Variants in BCL2L1 observed in about 807,000 individuals in gnomAD.
BCL2L1 encodes the protein bcl-2-like protein 1.
A neutral mutation model predicts 18.7 loss-of-function variants in BCL2L1; 1 was observed. The ratio of observed to expected loss-of-function variants is 0.05; its 90% CI spans 0.02 to 0.25. The LOEUF is 0.25. Ranked by LOEUF, BCL2L1 falls within the 10% of genes least tolerant of loss-of-function variation. The pLI is 1.00. For missense variants in BCL2L1, 207 were observed against 304.9 expected (o/e 0.68, Z 2.39); for synonymous variants, 103 against 122.7 (o/e 0.84, Z 1.06).
intron 2 of BCL2L1, among the ~76,000 whole-genome samples, chr20:31,695,660 T>G (rs1035647100): frequency 6.6e-6 from 1 of 152,220 alleles, no homozygotes; most frequent in African/African-American, 2.4e-5. Flanking sequence ...TCGCTCTGGC[T>G]GATCTCAAAC....
At chr20:31,698,495 C>T (rs979747012) in intron 2 of BCL2L1, among the ~76,000 whole-genome samples, 2 of 151,988 alleles carry the variant, frequency 1.3e-5, no homozygotes, top group Non-Finnish European at 2.9e-5. Context: ...CTCAGACTCC[C>T]AAAGTTTTGG....
chr20:31,664,920 T>A lies in BCL2L1; in HGVS notation c.*1029A>T. 4.8e-6 allele frequency: 1 copy of A among 208,864 alleles called. No individual in the cohort carries two copies. The highest frequency in any genetic ancestry group is 7.1e-5 in the East Asian group (1 of 14,132). 12.9% of individuals were successfully genotyped at this position (208,864 alleles called of 1,614,324 possible). A position where few individuals can be genotyped will look rare whatever the true frequency, so the allele number is the denominator to read the frequency against. On this transcript the variant is annotated 3_prime_UTR_variant, in exon 3 of 3. Coordinates refer to ENST00000307677, the MANE Select transcript of BCL2L1 (RefSeq NM_138578.3). ...GACAGGCATGGGGCACAGATCTGCC[T>A]GGCCAGGCAGGACTGGCCCTTCTAG...
chr20:31,666,543 T>C (rs2060591774), intron 2 of BCL2L1, among the ~76,000 whole-genome samples: 1 of 151,972 alleles, frequency 6.6e-6, no homozygotes, highest in East Asian at 1.9e-4. Flanking sequence ...GTGGAGCCAC[T>C]AGGCCTCAGA....
chr20:31,698,472 G>C (rs1390707109), intron 2 of BCL2L1, among the ~76,000 whole-genome samples: 1 of 152,118 alleles, frequency 6.6e-6, no homozygotes, highest in Non-Finnish European at 1.5e-5. Context: ...CTGGGCTCAA[G>C]TGATCCTCCC....
intron 2 of BCL2L1, among the ~76,000 whole-genome samples, chr20:31,711,453 T>G (rs1032432587): frequency 1.3e-5 from 2 of 152,174 alleles, no homozygotes; most frequent in South Asian, 2.1e-4. Flanking sequence ...ACATGTAGAC[T>G]GATTCAGATG....
chr20:31,702,477 A>G (rs2061292432), intron 2 of BCL2L1, among the ~76,000 whole-genome samples: 1 of 152,052 alleles, frequency 6.6e-6, no homozygotes, highest in African/African-American at 2.4e-5. Context: ...CTAAAAATAC[A>G]AAAATTAGCT....
chr20:31,700,653 GC>G (rs1568883140), intron 2 of BCL2L1, among the ~76,000 whole-genome samples: 1 of 152,066 alleles, frequency 6.6e-6, no homozygotes, highest in African/African-American at 2.4e-5. Flanking sequence ...TCTTTTCTCC[GC>G]TTTGTGGTAA....
chr20:31,723,719 G>A, upstream of BCL2L1: 1 of 985,506 alleles, frequency 1.0e-6, no homozygotes, highest in South Asian at 4.7e-5. Flanking sequence ...ACGCACAGGG[G>A]AGGCGGCGCT....
At chr20:31,702,946 CAA>C (rs750992536) in intron 2 of BCL2L1, among the ~76,000 whole-genome samples, 14 of 79,292 alleles carry the variant, frequency 1.8e-4, no homozygotes, top group Non-Finnish European at 2.3e-4. Context: ...GACTCCATCT[CAA>C]AAAAAAAAAA....
intron 2 of BCL2L1, among the ~76,000 whole-genome samples, chr20:31,682,953 ACTG>A (rs1378055975): frequency 2.0e-5 from 3 of 152,118 alleles, no homozygotes; most frequent in African/African-American, 7.2e-5. Flanking sequence ...CACCACCTCC[ACTG>A]CTATTATTTG....
chr20:31,678,289 G>C (rs907231647), intron 2 of BCL2L1, among the ~76,000 whole-genome samples: 1 of 152,184 alleles, frequency 6.6e-6, no homozygotes. Flanking sequence ...ATGCTGTGGG[G>C]AAGAGAGTAC....
At chr20:31,687,763 C>G (rs1323474440) in intron 2 of BCL2L1, among the ~76,000 whole-genome samples, 1 of 151,834 alleles carries the variant, frequency 6.6e-6, no homozygotes, top group Non-Finnish European at 1.5e-5. Context: ...GACCTCTGAT[C>G]AGACATATGT....
At position 31,721,909 on chromosome 20, in the gene BCL2L1, C is replaced by T. The variant is rs1011204866; in HGVS notation, c.310G>A (p.Ala104Thr). The T allele has an allele frequency of 5.0e-6, 8 of 1,614,074 alleles. No individual in the cohort carries two copies. In the African/African-American group the frequency reaches 5.3e-5, roughly 11 times the overall value. ...GDEFELRYRRAFSDLTSQLHI... is the reference protein window; with the variant it reads ...GDEFELRYRRTFSDLTSQLHI... ...AGCTGGGATGTCAGGTCACTGAATG[C>T]CCGCCGGTACCGCAGTTCAAACTCG... Residue 104 changes from alanine (A) to threonine (T), a missense_variant, in exon 2 of 3, where the codon GCA (alanine) becomes ACA (threonine). Coordinates refer to ENST00000307677, the MANE Select transcript of BCL2L1 (RefSeq NM_138578.3).
intron 2 of BCL2L1, among the ~76,000 whole-genome samples, chr20:31,687,299 T>C (rs1354683350): frequency 6.6e-6 from 1 of 151,988 alleles, no homozygotes; most frequent in African/African-American, 2.4e-5. Flanking sequence ...TGATGGCCAA[T>C]AGATGCACAC....
chr20:31,721,945 C>T lies in BCL2L1; in HGVS notation c.274G>A (p.Glu92Lys), dbSNP rs780011539. ...CGCAGTTCAAACTCGTCGCCTGCCT[C>T]CCTCAGCGCTTGCTTTACTGCTGCC... ...PMAAVKQALR[E>K]AGDEFELRYR... is the part of the protein sequence containing the mutation. The change falls in exon 2 of 3, where the codon GAG becomes AAG. Residue 92 changes from glutamate (E) to lysine (K), a missense_variant. Coordinates refer to ENST00000307677, the MANE Select transcript of BCL2L1 (RefSeq NM_138578.3). 2 of 1,614,092 alleles carry T rather than the reference C, an allele frequency of 1.2e-6. No homozygotes were observed. The highest frequency in any genetic ancestry group is 1.3e-5 in the African/African-American group (1 of 74,918).
At chr20:31,716,374 T>C (rs1005255881) in intron 2 of BCL2L1, among the ~76,000 whole-genome samples, 2 of 152,192 alleles carry the variant, frequency 1.3e-5, no homozygotes, top group African/African-American at 4.8e-5. Flanking sequence ...TCATCTGATA[T>C]AAACATGTAA....
intron 2 of BCL2L1, among the ~76,000 whole-genome samples, chr20:31,681,914 T>C (rs775184938): frequency 6.6e-6 from 1 of 152,230 alleles, no homozygotes; most frequent in Non-Finnish European, 1.5e-5. Context: ...AAGGCAGAGA[T>C]GGACAGAGAC....
intron 2 of BCL2L1, among the ~76,000 whole-genome samples, chr20:31,700,528 C>A (rs1294918773): frequency 6.6e-6 from 1 of 152,108 alleles, no homozygotes; most frequent in Non-Finnish European, 1.5e-5. Context: ...TGAAAGAGAC[C>A]CCTCCACATA....
In BCL2L1 at chr20:31,713,482, T is replaced by A. The variant is rs2061483068; in HGVS notation, c.564+8173A>T. 4 of 985,154 alleles carry A rather than the reference T, an allele frequency of 4.1e-6. 1 individual carries two copies. The South Asian group carries it at 1.9e-4, about 46-fold the overall frequency. The allele number at this position is 985,154 out of a possible 1,614,324, so 61.0% of individuals were successfully genotyped here. A position where few individuals can be genotyped will look rare whatever the true frequency, so the allele number is the denominator to read the frequency against. On this transcript the variant is annotated intron_variant, in intron 2 of 2. Coordinates refer to ENST00000307677, the MANE Select transcript of BCL2L1 (RefSeq NM_138578.3). The stretch of plus-strand genomic sequence containing the variant: ...GACAGGAAGCAGTCCATGGAAGTCA[T>A]CGCAATGGCATTTCCTGAAGAGCTG...
Sources: gnomAD v4.1 joint callset for allele counts (sites outside exome capture counted in the v4.1 genomes callset) on GRCh38, gnomAD v4.1.1 for gene constraint, MANE v1.5 for transcripts, NCBI Gene and HGNC (gene_info 2026-07-23, HGNC 2026-07-21) for gene names.